Variants in CHRDL1 observed in about 807,000 individuals in gnomAD.
CHRDL1 encodes chordin-like protein 1.
In CHRDL1, 19 loss-of-function variants were observed where a neutral mutation model predicts 40.9. That is an observed-to-expected ratio of 0.46 (90% CI 0.32 to 0.68). The LOEUF is 0.68. Among genes scored for constraint, CHRDL1 ranks in the 30% least tolerant of loss-of-function variants. The probability of loss-of-function intolerance (pLI) is 0.03; values close to 1 mark genes in which losing one functional copy is unlikely to be tolerated. For missense variants in CHRDL1, 329 were observed against 352.1 expected (o/e 0.93, Z 0.53); for synonymous variants, 136 against 123.4 (o/e 1.10, Z -0.68).
chrX:110,745,397 A>C (rs777301079), intron 4 of CHRDL1, among the ~76,000 whole-genome samples: 58 of 111,815 alleles, frequency 5.2e-4, no homozygotes, highest in African/African-American at 1.9e-3. Flanking sequence ...CAGGATGTAC[A>C]AGGTCCTTTG....
At chrX:110,732,025 C>T (rs752235515) in intron 4 of CHRDL1, among the ~76,000 whole-genome samples, 13 of 108,488 alleles carry the variant, frequency 1.2e-4, no homozygotes, top group Non-Finnish European at 2.1e-4. Context: ...AACCTCCAAA[C>T]GTTATACAAT....
At chrX:110,729,507 C>T (rs536573946) in intron 4 of CHRDL1, among the ~76,000 whole-genome samples, 12 of 111,649 alleles carry the variant, frequency 1.1e-4, no homozygotes, top group African/African-American at 3.9e-4. Context: ...GGCCTTAATA[C>T]TAATCCCGTT....
chrX:110,700,150 C>T (rs979724270), intron 7 of CHRDL1, among the ~76,000 whole-genome samples: 2 of 112,077 alleles, frequency 1.8e-5, no homozygotes, highest in African/African-American at 6.5e-5. Flanking sequence ...GTGCAGAGAA[C>T]AGAAGGGAGA....
intron 4 of CHRDL1, among the ~76,000 whole-genome samples, chrX:110,728,045 T>G (rs1468524930): frequency 9.0e-6 from 1 of 111,366 alleles, no homozygotes; most frequent in Non-Finnish European, 1.9e-5. Flanking sequence ...GATATATTAT[T>G]AAATGATGAA....
chrX:110,722,405 C>G (rs2070978338), intron 4 of CHRDL1, among the ~76,000 whole-genome samples: 1 of 109,213 alleles, frequency 9.2e-6, no homozygotes. Context: ...GACTCTTTTC[C>G]ACCCATTGAG....
At chrX:110,706,185 T>A (rs2070635009) in intron 6 of CHRDL1, among the ~76,000 whole-genome samples, 1 of 111,484 alleles carries the variant, frequency 9.0e-6, no homozygotes, top group Non-Finnish European at 1.9e-5. Flanking sequence ...TCTTTTTGTC[T>A]GATCACTGGA....
chrX:110,706,984 A>T (rs2070652540), intron 6 of CHRDL1, among the ~76,000 whole-genome samples: 1 of 111,874 alleles, frequency 8.9e-6, no homozygotes, highest in South Asian at 3.8e-4. Context: ...AGGGAGGAAT[A>T]AACCCATTGT....
chrX:110,740,840 GA>G (rs1389009889), intron 4 of CHRDL1, among the ~76,000 whole-genome samples: 1 of 112,077 alleles, frequency 8.9e-6, no homozygotes, highest in Non-Finnish European at 1.9e-5. Context: ...TTATAGGCCA[GA>G]TATGACCTGC....
At chrX:110,760,370 T>C (rs1446131417) in intron 3 of CHRDL1, among the ~76,000 whole-genome samples, 1 of 112,626 alleles carries the variant, frequency 8.9e-6, no homozygotes, top group East Asian at 2.8e-4. Flanking sequence ...CCCCTCGCTC[T>C]GACAGCTCAC....
At chrX:110,761,370 A>G (rs2089560218) in intron 3 of CHRDL1, among the ~76,000 whole-genome samples, 1 of 112,224 alleles carries the variant, frequency 8.9e-6, no homozygotes, top group African/African-American at 3.2e-5. Flanking sequence ...TTCAAATGGT[A>G]AATGGATCAG....
At chrX:110,728,836 A>T (rs2071104259) in intron 4 of CHRDL1, among the ~76,000 whole-genome samples, 1 of 111,959 alleles carries the variant, frequency 8.9e-6, no homozygotes, top group Non-Finnish European at 1.9e-5. Flanking sequence ...TTGCAGGATG[A>T]ATGTATCAAA....
intron 7 of CHRDL1, among the ~76,000 whole-genome samples, chrX:110,697,625 A>T (rs1217292423): frequency 2.7e-5 from 3 of 110,073 alleles, no homozygotes; most frequent in Non-Finnish European, 5.7e-5. Flanking sequence ...CAAATGAGAC[A>T]TGGATTTTTA....
intron 11 of CHRDL1, among the ~76,000 whole-genome samples, chrX:110,677,627 C>T (rs2069806138): frequency 1.8e-5 from 2 of 111,494 alleles, no homozygotes; most frequent in South Asian, 3.7e-4. Flanking sequence ...TTACACTCTG[C>T]CTCCTTTCTT....
At chrX:110,703,765 T>C (rs941627383) in intron 6 of CHRDL1, among the ~76,000 whole-genome samples, 3 of 112,078 alleles carry the variant, frequency 2.7e-5, no homozygotes, top group Non-Finnish European at 5.6e-5. Context: ...GTCACATTTT[T>C]AGAAGTAGAT....
At chrX:110,708,168 T>C (rs1449500575) in intron 6 of CHRDL1, among the ~76,000 whole-genome samples, 2 of 110,591 alleles carry the variant, frequency 1.8e-5, no homozygotes, top group Non-Finnish European at 3.8e-5. Flanking sequence ...GGATGAGAAA[T>C]TGGAACACTT....
At chrX:110,694,545 A>C (rs754260414) in intron 7 of CHRDL1, among the ~76,000 whole-genome samples, 1 of 111,675 alleles carries the variant, frequency 9.0e-6, no homozygotes, top group East Asian at 2.8e-4. Context: ...ACAACTTGCC[A>C]AGGTTTATCT....
intron 4 of CHRDL1, among the ~76,000 whole-genome samples, chrX:110,739,879 C>T (rs1419976445): frequency 1.8e-5 from 2 of 112,471 alleles, no homozygotes; most frequent in African/African-American, 6.5e-5. Context: ...CTTAGAACTT[C>T]CTCTCTGATT....
chrX:110,727,653 T>G (rs781362379), intron 4 of CHRDL1, among the ~76,000 whole-genome samples: 1 of 112,192 alleles, frequency 8.9e-6, no homozygotes, highest in South Asian at 3.7e-4. Context: ...TAGAGAAATA[T>G]AAATTAAAAC....
chrX:110,697,834 ACACACACACAC>A lies in CHRDL1; in HGVS notation c.609+2809_609+2819del, dbSNP rs1276488152. ...CCACTCCACACACACACACACACAC[ACACACACACAC>A]ACACACACACACACACACACACACA... On this transcript the variant is annotated intron_variant, in intron 7 of 11. Transcript: ENST00000372042. 3.9e-3 allele frequency among the ~76,000 whole-genome samples: 334 copies of A among 85,695 alleles called. 4 individuals are homozygous for A. Among genetic ancestry groups the A allele is most frequent in the African/African-American group, 0.02 (291 of 14,706 alleles). The allele number at this position is 85,695 out of a possible 115,157, so 74.4% of individuals were successfully genotyped here. A position where few individuals can be genotyped will look rare whatever the true frequency, so the allele number is the denominator to read the frequency against.
Sources: allele counts gnomAD v4.1 joint callset (sites outside exome capture counted in the v4.1 genomes callset), GRCh38; gene constraint gnomAD v4.1.1; transcripts MANE v1.5; gene names NCBI Gene and HGNC (gene_info 2026-07-23, HGNC 2026-07-21).